Variants in KCNAB1 observed in about 807,000 individuals in gnomAD.
KCNAB1 encodes potassium voltage-gated channel subfamily A regulatory beta subunit 1.
A neutral mutation model predicts 64.6 loss-of-function variants in KCNAB1; 35 were observed. That is an observed-to-expected ratio of 0.54 (90% CI 0.41 to 0.72). The LOEUF is 0.72. Among genes scored for constraint, KCNAB1 ranks in the 30% least tolerant of loss-of-function variants. The pLI, the probability that KCNAB1 is intolerant of heterozygous loss-of-function variation, is 0.00. For synonymous variants in KCNAB1, 177 were observed against 183.8 expected (o/e 0.96, Z 0.30); for missense variants, 401 against 512.9 (o/e 0.78, Z 2.11).
intron 1 of KCNAB1, among the ~76,000 whole-genome samples, chr3:156,160,493 G>A (rs1486322836): frequency 2.0e-5 from 3 of 152,052 alleles, no homozygotes; most frequent in South Asian, 2.1e-4. Flanking sequence ...CCCTTTTGGC[G>A]AAGAGAGTGT....
chr3:156,203,899 ATCT>A (rs1714492417), intron 1 of KCNAB1, among the ~76,000 whole-genome samples: 4 of 152,106 alleles, frequency 2.6e-5, no homozygotes, highest in African/African-American at 7.2e-5. Context: ...GATTCTTCAG[ATCT>A]TCTTCTAAAC....
intron 8 of KCNAB1, among the ~76,000 whole-genome samples, chr3:156,498,256 A>G (rs377104788): frequency 1.2e-4 from 18 of 152,152 alleles, no homozygotes; most frequent in African/African-American, 4.3e-4. Flanking sequence ...ATCCACATCA[A>G]TTTGCAAGAA....
intron 9 of KCNAB1, 54 bp from the exon 10 acceptor site, chr3:156,515,046 C>A: frequency 6.7e-7 from 1 of 1,501,918 alleles, no homozygotes; most frequent in Non-Finnish European, 8.9e-7. Flanking sequence ...CAAATTACAG[C>A]GAAGCCTTAT....
chr3:156,194,293 G>A (rs1000869446), intron 1 of KCNAB1, among the ~76,000 whole-genome samples: 18 of 151,640 alleles, frequency 1.2e-4, no homozygotes, highest in African/African-American at 4.1e-4. Flanking sequence ...AATTATTTCA[G>A]CTCCTTTATA....
chr3:156,241,726 G>GT lies in KCNAB1; in HGVS notation c.275+120847dup, dbSNP rs1220175264. 3.9e-5 allele frequency among the ~76,000 whole-genome samples: 6 copies of GT among 151,910 alleles called. No individual in the cohort carries two copies. The South Asian group carries it at 1.0e-3, about 26-fold the overall frequency. On this transcript the variant is annotated intron_variant, in intron 1 of 13. Coordinates refer to ENST00000490337, the MANE Select transcript of KCNAB1 (RefSeq NM_172160.3). ...GACTCTATTGTTTTGAAGCTCCTCTGTTTTTTTAAATTTATTTTTTATTAT... is the reference window on the plus strand; with the variant it reads ...GACTCTATTGTTTTGAAGCTCCTCTGTTTTTTTTAAATTTATTTTTTATTAT...
chr3:156,423,055 T>C (rs1715571711), intron 2 of KCNAB1, among the ~76,000 whole-genome samples: 1 of 152,022 alleles, frequency 6.6e-6, no homozygotes, highest in Admixed American at 6.6e-5. Flanking sequence ...ACAAGGTCTG[T>C]TTGGGTGGAA....
At chr3:156,457,162 T>C in intron 3 of KCNAB1, 1 of 1,140,206 alleles carries the variant, frequency 8.8e-7, no homozygotes, top group African/African-American at 1.6e-5. Context: ...ATAAAGAATG[T>C]TGTCAAACCA....
intron 2 of KCNAB1, among the ~76,000 whole-genome samples, chr3:156,436,208 T>G (rs1344003278): frequency 6.6e-6 from 1 of 152,202 alleles, no homozygotes; most frequent in Non-Finnish European, 1.5e-5. Context: ...CCAAGGATGA[T>G]GGCTTCCAGC....
At chr3:156,486,832 G>C (rs979793085) in intron 8 of KCNAB1, among the ~76,000 whole-genome samples, 2 of 152,144 alleles carry the variant, frequency 1.3e-5, no homozygotes, top group Non-Finnish European at 2.9e-5. Flanking sequence ...GTTTGAGTTT[G>C]AAGTTTGATT....
intron 1 of KCNAB1, among the ~76,000 whole-genome samples, chr3:156,344,117 C>G (rs923573722): frequency 5.9e-5 from 9 of 152,162 alleles, no homozygotes; most frequent in Non-Finnish European, 1.3e-4. Context: ...CACAGATACC[C>G]CACCCCCACA....
intron 1 of KCNAB1, among the ~76,000 whole-genome samples, chr3:156,126,963 G>C (rs1713695386): frequency 6.6e-6 from 1 of 152,222 alleles, no homozygotes; most frequent in African/African-American, 2.4e-5. Flanking sequence ...TGTTATTGGA[G>C]ATGCCAAAAG....
chr3:156,415,123 G>A (rs114092504), intron 1 of KCNAB1, among the ~76,000 whole-genome samples: 1,710 of 152,226 alleles, frequency 0.011, 29 homozygotes, highest in African/African-American at 0.04. Flanking sequence ...AAGATCATTA[G>A]GGCAACTGAG....
chr3:156,260,170 C>A (rs552403429), intron 1 of KCNAB1, among the ~76,000 whole-genome samples: 1 of 152,282 alleles, frequency 6.6e-6, no homozygotes, highest in Non-Finnish European at 1.5e-5. Flanking sequence ...AGACCTCCAA[C>A]CTTTGCTTCT....
At chr3:156,265,956 C>A (rs144082578) in intron 1 of KCNAB1, among the ~76,000 whole-genome samples, 1,535 of 152,240 alleles carry the variant, frequency 0.01, 27 homozygotes, top group African/African-American at 0.035. Flanking sequence ...TGCACCACTG[C>A]ACTCCAGCCT....
At chr3:156,159,608 A>G (rs1715955030) in intron 1 of KCNAB1, among the ~76,000 whole-genome samples, 1 of 152,180 alleles carries the variant, frequency 6.6e-6, no homozygotes. Flanking sequence ...CCCCCTCCAC[A>G]TATATTCTTC....
intron 1 of KCNAB1, among the ~76,000 whole-genome samples, chr3:156,203,552 T>G (rs930524969): frequency 1.3e-5 from 2 of 152,170 alleles, no homozygotes; most frequent in Admixed American, 1.3e-4. Context: ...AATAATACTA[T>G]AAAGAATGAA....
intron 7 of KCNAB1, among the ~76,000 whole-genome samples, chr3:156,467,829 A>G (rs1713531729): frequency 6.6e-6 from 1 of 152,108 alleles, no homozygotes; most frequent in Admixed American, 6.5e-5. Context: ...TTTAACACAA[A>G]ATCACTTTCT....
At chr3:156,284,781 C>A (rs1296082825) in intron 1 of KCNAB1, among the ~76,000 whole-genome samples, 1 of 152,194 alleles carries the variant, frequency 6.6e-6, no homozygotes, top group Non-Finnish European at 1.5e-5. Flanking sequence ...ACTCCCTGAC[C>A]CCTTGTGCTT....
intron 11 of KCNAB1, among the ~76,000 whole-genome samples, chr3:156,521,995 G>C (rs970051360): frequency 2.0e-5 from 3 of 147,146 alleles, no homozygotes; most frequent in Admixed American, 6.9e-5. Context: ...TCTGAAAATG[G>C]TGTGTATGTG....
Sources: allele counts gnomAD v4.1 joint callset (sites outside exome capture counted in the v4.1 genomes callset), GRCh38; gene constraint gnomAD v4.1.1; transcripts MANE v1.5; gene names NCBI Gene and HGNC (gene_info 2026-07-23, HGNC 2026-07-21).